MYCBP2: variants seen among roughly 807,000 people sequenced by gnomAD.
The protein encoded by MYCBP2 is E3 ubiquitin-protein ligase MYCBP2.
MYCBP2 carries 120 observed loss-of-function variants against 525.3 expected under a neutral mutation model. The ratio of observed to expected loss-of-function variants is 0.23; its 90% CI spans 0.20 to 0.27. MYCBP2 has a LOEUF of 0.27. Among genes scored for constraint, MYCBP2 ranks in the 10% least tolerant of loss-of-function variants. The probability of loss-of-function intolerance (pLI) is 1.00; values close to 1 mark genes in which losing one functional copy is unlikely to be tolerated. For missense variants in MYCBP2, 4,149 were observed against 5,657.1 expected (o/e 0.73, Z 8.55); for synonymous variants, 1,894 against 1,955.8 (o/e 0.97, Z 0.83).
At chr13:77,300,753 A>G (rs2078696770) in intron 1 of MYCBP2, among the ~76,000 whole-genome samples, 1 of 152,224 alleles carries the variant, frequency 6.6e-6, no homozygotes, top group Non-Finnish European at 1.5e-5. Context: ...TCCCTAAAGT[A>G]AGTGATTAGA....
intron 54 of MYCBP2, among the ~76,000 whole-genome samples, 196 bp from the exon 55 acceptor site, chr13:77,121,691 A>G (rs2050716676): frequency 6.6e-6 from 1 of 152,224 alleles, no homozygotes; most frequent in South Asian, 2.1e-4. Flanking sequence ...GTTTTTATTT[A>G]TCAAATACAC....
chr13:77,212,962 A>G (rs564875854), intron 21 of MYCBP2, among the ~76,000 whole-genome samples: 1 of 152,278 alleles, frequency 6.6e-6, no homozygotes, highest in South Asian at 2.1e-4. Context: ...AGCACTGCGA[A>G]CACTCTGGTC....
intron 47 of MYCBP2, among the ~76,000 whole-genome samples, chr13:77,149,204 G>T (rs1356811872): frequency 6.6e-6 from 1 of 151,844 alleles, no homozygotes; most frequent in Non-Finnish European, 1.5e-5. Context: ...TTGCTTCTTT[G>T]GCTAGTATTC....
intron 1 of MYCBP2, among the ~76,000 whole-genome samples, chr13:77,323,846 A>G (rs55766384): frequency 0.022 from 3,410 of 151,758 alleles, 58 homozygotes; most frequent in Middle Eastern, 0.075. Context: ...ACTCACCTCC[A>G]CCCCTTCTAT....
At chr13:77,130,782 CT>C (rs1000723516) in intron 52 of MYCBP2, among the ~76,000 whole-genome samples, 245 of 151,898 alleles carry the variant, frequency 1.6e-3, no homozygotes, top group African/African-American at 5.6e-3. Context: ...AACAATATCA[CT>C]TTTTTTTAGC....
At chr13:77,052,029 A>G (rs1594036897) in intron 80 of MYCBP2, 111 bp from the exon 81 acceptor site, 1 of 791,532 alleles carries the variant, frequency 1.3e-6, no homozygotes, top group Non-Finnish European at 2.1e-6. Flanking sequence ...AAATACCATT[A>G]TCTACTAGAC....
In MYCBP2 at chr13:77,294,706, G is replaced by A. The variant is rs1194788363; in HGVS notation, c.378+1893C>T. Among the ~76,000 whole-genome samples the A allele has an allele frequency of 2.0e-5, 3 of 152,188 alleles. No homozygotes were observed. In the South Asian group the frequency reaches 6.2e-4, roughly 32 times the overall value. ...GATAGAGGTTGGAATGACTGTATTT[G>A]TTAGAGGTTTTCTGTATATTGACAA... On this transcript the variant is annotated intron_variant, in intron 2 of 82. Coordinates refer to ENST00000544440, the MANE Select transcript of MYCBP2 (RefSeq NM_015057.5).
intron 55 of MYCBP2, among the ~76,000 whole-genome samples, chr13:77,109,265 C>T (rs550888583): frequency 2.0e-5 from 3 of 152,206 alleles, no homozygotes; most frequent in Non-Finnish European, 4.4e-5. Flanking sequence ...TGGAACTGCT[C>T]CACCTCAGAT....
intron 20 of MYCBP2, among the ~76,000 whole-genome samples, chr13:77,220,550 C>T (rs2065400178): frequency 6.6e-6 from 1 of 152,138 alleles, no homozygotes; most frequent in South Asian, 2.1e-4. Flanking sequence ...TCTTAAACAA[C>T]ACATTATTAA....
chr13:77,052,775 C>G (rs2037096704), intron 80 of MYCBP2, among the ~76,000 whole-genome samples: 1 of 151,924 alleles, frequency 6.6e-6, no homozygotes, highest in Non-Finnish European at 1.5e-5. Flanking sequence ...AATTATAATT[C>G]CAAGGCTAAT....
intron 63 of MYCBP2, chr13:77,082,308 T>A: frequency 4.8e-6 from 1 of 209,778 alleles, no homozygotes. Context: ...GTACACCAAC[T>A]GCAACAACCC....
In MYCBP2 at chr13:77,251,268, G is replaced by T; in HGVS notation, c.2264C>A (p.Pro755His). ...CAGCTTCCATTTGTGCATGCCTGGAGGGCACATCATAGACTTCTCATCTTT... is the reference window on the plus strand; with the variant it reads ...CAGCTTCCATTTGTGCATGCCTGGATGGCACATCATAGACTTCTCATCTTT... ...DEKDEKSMMC[P>H]PGMHKWKLEQ... The change falls in exon 15 of 83, where the codon CCT (proline) becomes CAT (histidine). Residue 755 changes from proline to histidine, a missense_variant. Coordinates refer to ENST00000544440, the MANE Select transcript of MYCBP2 (RefSeq NM_015057.5). The T allele has an allele frequency of 6.2e-7, 1 of 1,614,172 alleles. No individual in the cohort carries two copies. The highest frequency in any genetic ancestry group is 8.5e-7 in the Non-Finnish European group (1 of 1,180,010).
At position 77,166,524 on chromosome 13, in the gene MYCBP2, T is replaced by C; in HGVS notation, c.6145A>G (p.Thr2049Ala). The C allele has an allele frequency of 6.2e-7, 1 of 1,613,240 alleles. No homozygotes were observed. Among genetic ancestry groups the C allele is most frequent in the Non-Finnish European group, 8.5e-7 (1 of 1,179,544 alleles). The change falls in exon 41 of 83, where the codon ACA becomes GCA. Residue 2049 changes from threonine (T) to alanine (A), a missense_variant. Coordinates refer to ENST00000544440, the MANE Select transcript of MYCBP2 (RefSeq NM_015057.5). The stretch of plus-strand genomic sequence containing the variant: ...CCACACTGAGGGTCAAATTCGATTG[T>C]CATCCACCTCACACATTCTGGGAAT... ...VTFPECVRWM[T>A]IEFDPQCGTA...
rs566882698 is a variant in MYCBP2, at chr13:77,280,438, A to C, written c.595-1527T>G. 1.3e-5 allele frequency among the ~76,000 whole-genome samples: 2 copies of C among 152,312 alleles called. 1 individual carries two copies. Among genetic ancestry groups the C allele is most frequent in the East Asian group, 3.9e-4 (2 of 5,188 alleles). On this transcript the variant is annotated intron_variant, in intron 3 of 82. Transcript: ENST00000544440. The stretch of plus-strand genomic sequence containing the variant: ...TACAGGAAAGAGAAATGTGAAGTCA[A>C]AGATCTCCAGAGTACAAAATATGGG...
chr13:77,061,437 CT>C, intron 75 of MYCBP2, 136 bp from the exon 76 acceptor site: 1 of 907,892 alleles, frequency 1.1e-6, no homozygotes, highest in South Asian at 2.0e-5. Flanking sequence ...TTCCAATCTT[CT>C]CTTTAATCTT....
At chr13:77,297,811 A>G (rs1032629178) in intron 1 of MYCBP2, among the ~76,000 whole-genome samples, 2 of 152,200 alleles carry the variant, frequency 1.3e-5, no homozygotes, top group Non-Finnish European at 2.9e-5. Context: ...AATCTGGTCA[A>G]TTATATCTCA....
intron 73 of MYCBP2, among the ~76,000 whole-genome samples, chr13:77,063,848 A>G (rs1275236948): frequency 6.6e-6 from 1 of 152,218 alleles, no homozygotes; most frequent in Admixed American, 6.5e-5. Context: ...GGAAAGGATT[A>G]CTGTCAAAAA....
intron 34 of MYCBP2, among the ~76,000 whole-genome samples, chr13:77,179,903 T>C (rs1052611215): frequency 8.5e-5 from 13 of 152,064 alleles, no homozygotes; most frequent in African/African-American, 3.1e-4. Flanking sequence ...ATGAGGAAAA[T>C]GTATACTTTA....
intron 15 of MYCBP2, among the ~76,000 whole-genome samples, chr13:77,249,994 C>A (rs1001118450): frequency 1.3e-5 from 2 of 152,102 alleles, no homozygotes; most frequent in East Asian, 1.9e-4. Context: ...GAGGCCGAGG[C>A]GGGCGGATCA....
Sources: gnomAD v4.1 joint callset for allele counts (sites outside exome capture counted in the v4.1 genomes callset) on GRCh38, gnomAD v4.1.1 for gene constraint, MANE v1.5 for transcripts, NCBI Gene and HGNC (gene_info 2026-07-23, HGNC 2026-07-21) for gene names.